Variants in SPATA6L observed in about 807,000 individuals in gnomAD.
SPATA6L encodes the protein spermatogenesis associated 6 like.
Under a neutral mutation model 49.2 loss-of-function variants are expected in SPATA6L, and 68 were observed. The ratio of observed to expected loss-of-function variants is 1.38; its 90% CI spans 1.14 to 1.69. The LOEUF (loss-of-function observed/expected upper bound fraction) is 1.69. Ranked by LOEUF, SPATA6L falls within the 40% of genes most tolerant of loss-of-function variation. SPATA6L has a pLI of 0.00. For missense variants in SPATA6L, 668 were observed against 464.3 expected (o/e 1.44, Z -4.03); for synonymous variants, 198 against 165.7 (o/e 1.19, Z -1.50).
At chr9:4,655,703 C>G (rs1837982087) in intron 3 of SPATA6L, among the ~76,000 whole-genome samples, 1 of 152,080 alleles carries the variant, frequency 6.6e-6, no homozygotes, top group African/African-American at 2.4e-5. Context: ...CATGTGCCAC[C>G]ACATCCGGCT....
chr9:4,613,654 G>T (rs912072558), intron 9 of SPATA6L, among the ~76,000 whole-genome samples: 2 of 151,736 alleles, frequency 1.3e-5, no homozygotes, highest in Non-Finnish European at 2.9e-5. Context: ...CGCTACCTCC[G>T]CTCACTGCAA....
chr9:4,602,873 G>T (rs952790405), intron 11 of SPATA6L, among the ~76,000 whole-genome samples: 2 of 152,214 alleles, frequency 1.3e-5, no homozygotes, highest in African/African-American at 4.8e-5. Flanking sequence ...TGGAACTAAT[G>T]ATAGTACCTA....
chr9:4,662,950 C>T lies in SPATA6L; in HGVS notation c.40-914G>A. The T allele has an allele frequency of 2.5e-6, 4 of 1,612,164 alleles. No individual in the cohort carries two copies. Among genetic ancestry groups the T allele is most frequent in the South Asian group, 1.1e-5 (1 of 91,008 alleles). On this transcript the variant is annotated intron_variant, in intron 1 of 11. Transcript: ENST00000682582. This position sits in a 1 kb window ranked among gnomAD's most constrained non-coding sequence, Gnocchi z 4.9. ...AAAGGGCTGGTCCGCAGGCGCCGCC[C>T]GGCCCACAACCAGATGGACATGTTT...
At chr9:4,625,228 A>G in intron 6 of SPATA6L, 99 bp downstream of exon 6, 1 of 1,477,948 alleles carries the variant, frequency 6.8e-7, no homozygotes, top group South Asian at 1.5e-5. Context: ...TTTTTATTGA[A>G]TATTATTCAT....
At chr9:4,620,073 C>T (rs1828923946) in intron 7 of SPATA6L, among the ~76,000 whole-genome samples, 1 of 152,058 alleles carries the variant, frequency 6.6e-6, no homozygotes, top group African/African-American at 2.4e-5. Context: ...ATTTTCATAT[C>T]CTTTGGGCAT....
chr9:4,625,147 T>A, intron 6 of SPATA6L, 180 bp downstream of exon 6: 1 of 1,183,360 alleles, frequency 8.5e-7, no homozygotes, highest in Non-Finnish European at 1.1e-6. Context: ...GGTACCTTTC[T>A]AGGGGTTTCC....
chr9:4,600,149 A>G lies in SPATA6L; in HGVS notation c.*662T>C, dbSNP rs969450481. 2.6e-5 allele frequency among the ~76,000 whole-genome samples: 4 copies of G among 152,202 alleles called. No homozygotes were observed. The highest frequency in any genetic ancestry group is 1.3e-4 in the Admixed American group (2 of 15,276). On this transcript the variant is annotated 3_prime_UTR_variant, in exon 12 of 12. Coordinates refer to ENST00000682582, the MANE Select transcript of SPATA6L (RefSeq NM_001353486.2). ...TGTTCCTCATCTAAATTTACAAAGA[A>G]TTGCTGGAACGAAGGAGTAGGAAAC...
At chr9:4,621,508 G>A (rs1224480617) in intron 7 of SPATA6L, among the ~76,000 whole-genome samples, 1 of 146,210 alleles carries the variant, frequency 6.8e-6, no homozygotes, top group Non-Finnish European at 1.5e-5. Flanking sequence ...TTTTTTTTAA[G>A]TCAGAGTTTC....
intron 3 of SPATA6L, among the ~76,000 whole-genome samples, chr9:4,638,790 C>CT (rs201206657): frequency 0.019 from 2,264 of 120,248 alleles, 35 homozygotes; most frequent in East Asian, 0.1. Flanking sequence ...CTTTTCTTTT[C>CT]TTTTTTTTTT....
intron 1 of SPATA6L, chr9:4,663,305 C>G (rs1326755517): frequency 4.4e-6 from 7 of 1,577,742 alleles, no homozygotes; most frequent in Non-Finnish European, 6.1e-6. Flanking sequence ...CTGAAGGTTT[C>G]CACATTCGAT....
At chr9:4,619,724 T>C (rs1025388266) in intron 7 of SPATA6L, among the ~76,000 whole-genome samples, 3 of 152,066 alleles carry the variant, frequency 2.0e-5, no homozygotes, top group African/African-American at 4.8e-5. Flanking sequence ...ACAACAAATA[T>C]GTAAAAGCTT....
intron 5 of SPATA6L, chr9:4,627,780 G>C: frequency 7.8e-7 from 1 of 1,289,340 alleles, no homozygotes; most frequent in South Asian, 1.2e-5. Flanking sequence ...TACAATCCGA[G>C]CATCAGCCTC....
rs184691315 is a variant in SPATA6L, at chr9:4,635,376, C to T, written c.250G>A (p.Glu84Lys). The T allele has an allele frequency of 3.6e-4, 567 of 1,590,174 alleles. 3 individuals carry two copies. The East Asian group carries it at 0.012, about 33-fold the overall frequency. ...AAAAGAAAATCTCGTGTGTTTTCTTCGTAGTAGGCCAACTCATCCCACACT... is the reference window on the plus strand; with the variant it reads ...AAAAGAAAATCTCGTGTGTTTTCTTTGTAGTAGGCCAACTCATCCCACACT... Reference protein sequence around the residue: ...LEMWDELAYYEENTRDFLFPE... With the variant: ...LEMWDELAYYKENTRDFLFPE... The change falls in exon 4 of 12, where the codon GAA becomes AAA. Residue 84 changes from glutamate (E) to lysine (K), a missense_variant. Coordinates refer to ENST00000682582, the MANE Select transcript of SPATA6L (RefSeq NM_001353486.2).
intron 3 of SPATA6L, among the ~76,000 whole-genome samples, chr9:4,644,222 T>G (rs543613471): frequency 1.3e-4 from 16 of 118,966 alleles, no homozygotes; most frequent in South Asian, 8.7e-4. Context: ...AAAAAAAATG[T>G]AGCTGGGCAT....
At chr9:4,622,725 G>A (rs944569901) in intron 6 of SPATA6L, among the ~76,000 whole-genome samples, 1 of 152,336 alleles carries the variant, frequency 6.6e-6, no homozygotes, top group Non-Finnish European at 1.5e-5. Context: ...ACATGAGGAC[G>A]TAAGCTAAAC....
At chr9:4,650,949 G>C (rs573403021) in intron 3 of SPATA6L, among the ~76,000 whole-genome samples, 1 of 151,926 alleles carries the variant, frequency 6.6e-6, no homozygotes, top group Non-Finnish European at 1.5e-5. Flanking sequence ...TGATCTGCTC[G>C]CCTTGGCCTC....
intron 3 of SPATA6L, among the ~76,000 whole-genome samples, chr9:4,638,027 C>T (rs1564249432): frequency 6.6e-6 from 1 of 152,136 alleles, no homozygotes; most frequent in Non-Finnish European, 1.5e-5. Flanking sequence ...CTTATAGACA[C>T]TGGATTTACA....
chr9:4,644,636 A>G (rs1834883831), intron 3 of SPATA6L, among the ~76,000 whole-genome samples: 1 of 151,520 alleles, frequency 6.6e-6, no homozygotes, highest in Non-Finnish European at 1.5e-5. Context: ...AGATCAGAGG[A>G]GAATTTTCTG....
Position 4,629,169 on chromosome 9 carries a change from C to A in SPATA6L, c.352-1G>T. The A allele has an allele frequency of 1.3e-6, 2 of 1,546,406 alleles. No individual in the cohort carries two copies. Among genetic ancestry groups the A allele is most frequent in the South Asian group, 1.2e-5 (1 of 86,328 alleles). On this transcript the variant is annotated splice_acceptor_variant, in intron 4 of 11. Coordinates refer to ENST00000682582, the MANE Select transcript of SPATA6L (RefSeq NM_001353486.2). LOFTEE classifies it high-confidence loss of function. ...AAAACTCTATTTTGGGAGCAATGCC[C>A]TATAAAACAGCATAAAAAAAGCAAA...
Sources: allele counts gnomAD v4.1 joint callset (sites outside exome capture counted in the v4.1 genomes callset), GRCh38; gene constraint gnomAD v4.1.1; non-coding constraint Gnocchi (gnomAD v3.1); transcripts MANE v1.5; gene names NCBI Gene and HGNC (gene_info 2026-07-23, HGNC 2026-07-21).